SLC24A3: variants seen among roughly 807,000 people sequenced by gnomAD.
The protein encoded by SLC24A3 is solute carrier family 24 member 3.
In SLC24A3, 28 loss-of-function variants were observed where a neutral mutation model predicts 75.8. The ratio of observed to expected loss-of-function variants is 0.37; its 90% CI spans 0.27 to 0.51. SLC24A3 has a LOEUF of 0.51. Among genes scored for constraint, SLC24A3 ranks in the 20% least tolerant of loss-of-function variants. The pLI is 0.94. For synonymous variants in SLC24A3, 372 were observed against 334.1 expected (o/e 1.11, Z -1.24); for missense variants, 663 against 847.8 (o/e 0.78, Z 2.71).
In SLC24A3 at chr20:19,698,723, C is replaced by T. The variant is rs376986414; in HGVS notation, c.1719+43C>T. On this transcript the variant is annotated intron_variant, in intron 15 of 16. Coordinates refer to ENST00000328041, the MANE Select transcript of SLC24A3 (RefSeq NM_020689.4). ...GGACTTCTCCTGAAATCCAGGGCTA[C>T]GTGACTGTGTTTTAACAGCCTTGGC... The T allele has an allele frequency of 1.1e-4, 158 of 1,456,444 alleles. 1 individual carries two copies. In the African/African-American group the frequency reaches 1.9e-3, roughly 17 times the overall value. The allele number at this position is 1,456,444 out of a possible 1,614,324, so 90.2% of individuals were successfully genotyped here.
chr20:19,455,350 A>C (rs1987560618), intron 2 of SLC24A3, among the ~76,000 whole-genome samples: 1 of 152,194 alleles, frequency 6.6e-6, no homozygotes, highest in South Asian at 2.1e-4. Context: ...AGATAAACCT[A>C]ATGGTTAGAT....
chr20:19,263,030 C>A (rs1751470978), intron 1 of SLC24A3, among the ~76,000 whole-genome samples: 1 of 103,316 alleles, frequency 9.7e-6, no homozygotes. Flanking sequence ...CCCACTCCAG[C>A]CTTTGTGTGT....
At chr20:19,509,810 G>C (rs949751924) in intron 2 of SLC24A3, among the ~76,000 whole-genome samples, 1 of 152,222 alleles carries the variant, frequency 6.6e-6, no homozygotes, top group Non-Finnish European at 1.5e-5. Context: ...GATCCTCAGA[G>C]GCCACTTTTC....
At chr20:19,364,426 C>A (rs6136690) in intron 2 of SLC24A3, among the ~76,000 whole-genome samples, 34 of 151,742 alleles carry the variant, frequency 2.2e-4, no homozygotes, top group African/African-American at 7.3e-4. Context: ...AAGGTGTCCA[C>A]ACACGGCTCT....
intron 8 of SLC24A3, among the ~76,000 whole-genome samples, chr20:19,666,644 C>G (rs1449318525): frequency 6.6e-6 from 1 of 152,038 alleles, no homozygotes; most frequent in Non-Finnish European, 1.5e-5. Context: ...GATCTTAGAG[C>G]TCTGAAAATT....
At chr20:19,260,593 G>A (rs963663478) in intron 1 of SLC24A3, among the ~76,000 whole-genome samples, 2 of 152,192 alleles carry the variant, frequency 1.3e-5, no homozygotes, top group African/African-American at 2.4e-5. Flanking sequence ...GAAAGAACTC[G>A]AGATACAATT....
chr20:19,231,971 GT>G (rs1413265974), intron 1 of SLC24A3, among the ~76,000 whole-genome samples: 3 of 152,218 alleles, frequency 2.0e-5, no homozygotes, highest in Admixed American at 1.3e-4. Flanking sequence ...ACTTGGTTTG[GT>G]GCATTCATGG....
In SLC24A3 at chr20:19,665,908, C is replaced by A. The variant is rs377227185; in HGVS notation, c.713+19C>A. ...TTTCCTGGTAAGTACCTCTCTTTCC[C>A]CTTCTCATTTCTGAATGTTATGTTG... On this transcript the variant is annotated intron_variant, in intron 8 of 16. Coordinates refer to ENST00000328041, the MANE Select transcript of SLC24A3 (RefSeq NM_020689.4). 6.2e-7 allele frequency: 1 copy of A among 1,610,780 alleles called. No homozygotes were observed. Among genetic ancestry groups the A allele is most frequent in the African/African-American group, 1.3e-5 (1 of 74,580 alleles).
chr20:19,716,387 G>A (rs2033046907), intron 15 of SLC24A3, among the ~76,000 whole-genome samples: 1 of 145,878 alleles, frequency 6.9e-6, no homozygotes, highest in South Asian at 2.3e-4. Context: ...CTCTTTAAAT[G>A]TAAATTTGGT....
At chr20:19,465,881 A>G (rs1987757169) in intron 2 of SLC24A3, among the ~76,000 whole-genome samples, 2 of 152,350 alleles carry the variant, frequency 1.3e-5, no homozygotes, top group South Asian at 4.1e-4. Flanking sequence ...TCATCCCAGG[A>G]TAATTAAACC....
At chr20:19,680,649 A>G (rs186065281) in intron 9 of SLC24A3, among the ~76,000 whole-genome samples, 11 of 152,312 alleles carry the variant, frequency 7.2e-5, no homozygotes, top group East Asian at 5.8e-4. Context: ...CTCTCATGCA[A>G]TGTAGTAACT....
At chr20:19,482,229 T>C (rs1280894587) in intron 2 of SLC24A3, among the ~76,000 whole-genome samples, 1 of 152,198 alleles carries the variant, frequency 6.6e-6, no homozygotes, top group African/African-American at 2.4e-5. Flanking sequence ...CCACCTGGCC[T>C]GCATTGTCTG....
intron 2 of SLC24A3, among the ~76,000 whole-genome samples, chr20:19,418,944 T>C (rs1198481889): frequency 1.3e-5 from 2 of 152,164 alleles, no homozygotes; most frequent in African/African-American, 4.8e-5. Context: ...CAGACATGTT[T>C]CAAACCACGA....
intron 3 of SLC24A3, among the ~76,000 whole-genome samples, chr20:19,546,178 A>AAAAAAAAAAAAAAAAAAAAAC (rs1568651708): frequency 6.7e-6 from 1 of 149,754 alleles, no homozygotes; most frequent in Non-Finnish European, 1.5e-5. Context: ...AAAAAAAAAA[A>AAAAAAAAAAAAAAAAAAAAAC]AAAAAAAAAA....
At chr20:19,249,278 C>G (rs1982581458) in intron 1 of SLC24A3, among the ~76,000 whole-genome samples, 2 of 152,186 alleles carry the variant, frequency 1.3e-5, no homozygotes, top group Non-Finnish European at 2.9e-5. Flanking sequence ...GAGTATCTTT[C>G]CTAAGCCCTG....
chr20:19,330,568 G>A (rs1984975773), intron 2 of SLC24A3, among the ~76,000 whole-genome samples: 1 of 152,140 alleles, frequency 6.6e-6, no homozygotes, highest in Admixed American at 6.5e-5. Context: ...ATAATAAATA[G>A]ATAAAGCAGT....
chr20:19,308,676 T>G (rs567612746), intron 2 of SLC24A3, among the ~76,000 whole-genome samples: 2 of 152,300 alleles, frequency 1.3e-5, no homozygotes, highest in Non-Finnish European at 2.9e-5. Flanking sequence ...CATTTGCAAC[T>G]CGGAATGGAG....
At chr20:19,541,967 C>G (rs1019674848) in intron 3 of SLC24A3, among the ~76,000 whole-genome samples, 4 of 152,186 alleles carry the variant, frequency 2.6e-5, no homozygotes, top group Non-Finnish European at 5.9e-5. Flanking sequence ...AGCCTCAGCT[C>G]CTGCCCTTCC....
intron 1 of SLC24A3, among the ~76,000 whole-genome samples, chr20:19,227,512 C>T (rs957443313): frequency 1.3e-5 from 2 of 151,930 alleles, no homozygotes; most frequent in African/African-American, 2.4e-5. Flanking sequence ...TATTTATTCA[C>T]CATTTGTATG....
Sources: allele counts gnomAD v4.1 joint callset (sites outside exome capture counted in the v4.1 genomes callset), GRCh38; gene constraint gnomAD v4.1.1; transcripts MANE v1.5; gene names NCBI Gene and HGNC (gene_info 2026-07-23, HGNC 2026-07-21).